HOXB3: variants seen among roughly 807,000 people sequenced by gnomAD.
HOXB3 encodes the protein homeobox B3.
In HOXB3, 17 loss-of-function variants were observed where a neutral mutation model predicts 29.2. That is an observed-to-expected ratio of 0.58 (90% CI 0.40 to 0.87). The LOEUF is 0.87. Among genes scored for constraint, HOXB3 ranks in the 40% least tolerant of loss-of-function variants. The probability of loss-of-function intolerance (pLI) is 0.00; values close to 1 mark genes in which losing one functional copy is unlikely to be tolerated. For missense variants in HOXB3, 637 were observed against 616.3 expected (o/e 1.03, Z -0.35); for synonymous variants, 317 against 285.9 (o/e 1.11, Z -1.10).
At position 48,554,125 on chromosome 17, in the gene HOXB3, C is replaced by T. The variant is rs991460028; in HGVS notation, c.-159+1406G>A. The stretch of plus-strand genomic sequence containing the variant: ...CAGGGAGAACCAGAGTTCAATTGAC[C>T]AGGCTGACCCAATCCCTTTATTATT... On this transcript the variant is annotated intron_variant, in intron 3 of 4. Transcript: ENST00000498678. The surrounding 1 kb of genome is among the most constrained non-coding windows in gnomAD (Gnocchi z 4.1). Among the ~76,000 whole-genome samples the T allele has an allele frequency of 6.6e-6, 1 of 152,172 alleles. No individual in the cohort carries two copies. Among genetic ancestry groups the T allele is most frequent in the Admixed American group, 6.5e-5 (1 of 15,280 alleles).
chr17:48,557,105 G>C (rs1000660499), intron 2 of HOXB3, among the ~76,000 whole-genome samples: 1 of 152,150 alleles, frequency 6.6e-6, no homozygotes, highest in Non-Finnish European at 1.5e-5. Context: ...TAGTCATTCC[G>C]GGAGGAAGGA....
At chr17:48,567,318 C>T (rs753628063) in intron 2 of HOXB3, among the ~76,000 whole-genome samples, 9 of 152,216 alleles carry the variant, frequency 5.9e-5, no homozygotes, top group Non-Finnish European at 7.3e-5. Flanking sequence ...CTGGGCGCGG[C>T]GTTGCTCTAA....
At chr17:48,577,374 C>T (rs768666654) in intron 1 of HOXB3, among the ~76,000 whole-genome samples, 1 of 152,192 alleles carries the variant, frequency 6.6e-6, no homozygotes, top group Non-Finnish European at 1.5e-5. Flanking sequence ...CTAAACCTTT[C>T]CTCTGTTTAG....
At chr17:48,555,704 T>TG (rs1567949783) in intron 2 of HOXB3, 86 bp from the exon 3 acceptor site, 1 of 564,570 alleles carries the variant, frequency 1.8e-6, no homozygotes, top group African/African-American at 2.4e-5. Flanking sequence ...CCACCCCGGC[T>TG]GGGGAGCCCG....
In HOXB3 at chr17:48,550,518, T is replaced by C. The variant is rs1490251788; in HGVS notation, c.1112A>G (p.Tyr371Cys). The change falls in exon 5 of 5, where the codon TAT becomes TGT. Residue 371 changes from tyrosine to cysteine, a missense_variant. By Grantham distance (194) the Tyr-to-Cys change is radical (BLOSUM62 -2). Transcript: ENST00000498678. ...PLPPPAGPSL[Y>C]GLNHLSHHPS... is the part of the protein sequence containing the mutation. ...GTGATGGGAAAGGTGGTTGAGGCCATAGAGGGAGGGGCCGGCAGGGGGCGG... is the reference window on the plus strand; with the variant it reads ...GTGATGGGAAAGGTGGTTGAGGCCACAGAGGGAGGGGCCGGCAGGGGGCGG... The C allele has an allele frequency of 6.3e-7, 1 of 1,578,986 alleles. No homozygotes were observed. The highest frequency in any genetic ancestry group is 1.4e-5 in the African/African-American group (1 of 73,174).
intron 2 of HOXB3, among the ~76,000 whole-genome samples, chr17:48,569,623 C>T (rs2069517185): frequency 6.6e-6 from 1 of 152,104 alleles, no homozygotes; most frequent in Non-Finnish European, 1.5e-5. Flanking sequence ...TCCCCAACTC[C>T]TGGGGATATT....
intron 1 of HOXB3, 109 bp from the exon 2 acceptor site, chr17:48,574,123 G>T (rs2069678291): frequency 1.9e-5 from 9 of 486,248 alleles, no homozygotes; most frequent in Non-Finnish European, 3.2e-5. Context: ...ACACAGAATG[G>T]CTGTGAACTT....
At chr17:48,572,264 G>T (rs970039246) in intron 2 of HOXB3, among the ~76,000 whole-genome samples, 1 of 152,090 alleles carries the variant, frequency 6.6e-6, no homozygotes, top group Admixed American at 6.6e-5. Flanking sequence ...GCACTCCAAG[G>T]GCTTTTTTCA....
intron 1 of HOXB3, chr17:48,576,593 A>C: frequency 2.7e-6 from 2 of 743,464 alleles, no homozygotes; most frequent in Non-Finnish European, 4.2e-6. Context: ...TCGTATATAA[A>C]GTGTGGGGGA....
rs1295119350 is a variant in HOXB3 at position 48,555,809 on chromosome 17, G to GA, written c.-246-192dup. Among the ~76,000 whole-genome samples the GA allele has an allele frequency of 4.6e-5, 7 of 151,810 alleles. No individual in the cohort carries two copies. The East Asian group carries it at 7.7e-4, about 17-fold the overall frequency. The stretch of plus-strand genomic sequence containing the variant: ...CAGGAGGGAGGGGGTGGGGGAGCGG[G>GA]AAAAAAAATAGAAGACCGAAAGGTG... On this transcript the variant is annotated intron_variant, in intron 2 of 4. Coordinates refer to ENST00000498678, the MANE Select transcript of HOXB3 (RefSeq NM_001384749.1).
rs1480275731 is a variant in HOXB3 at position 48,550,337 on chromosome 17, C to T, written c.1293G>A (p.Leu431=). The T allele has an allele frequency of 3.1e-6, 5 of 1,613,858 alleles. No homozygotes were observed. The highest frequency in any genetic ancestry group is 1.6e-4 in the Middle Eastern group (1 of 6,070). The change falls in exon 5 of 5, where the codon CTG becomes CTA. Residue 431 remains leucine (L), a synonymous_variant. Transcript: ENST00000498678. ...AATCCTCGTTCGCCCTTTCCCATCA[C>T]AGGTGTGTTAATTTGGGCGCTTCTT... ...RIQEAPKLTH[L]
chr17:48,560,878 T>A (rs2069169104), intron 2 of HOXB3, among the ~76,000 whole-genome samples: 1 of 152,020 alleles, frequency 6.6e-6, no homozygotes, highest in Non-Finnish European at 1.5e-5. Context: ...GAATCTAAAC[T>A]CTGAAACCAC....
At chr17:48,584,865 C>G (rs983979540) in intron 1 of HOXB3, among the ~76,000 whole-genome samples, 1 of 152,116 alleles carries the variant, frequency 6.6e-6, no homozygotes, top group Non-Finnish European at 1.5e-5. Flanking sequence ...TTCCTTACCT[C>G]CAGCATCCCA....
chr17:48,574,335 C>T (rs2069689845), intron 1 of HOXB3: 1 of 159,610 alleles, frequency 6.3e-6, no homozygotes, highest in African/African-American at 2.4e-5. Context: ...CCCTCTCATC[C>T]TCCAGGTCCA....
intron 4 of HOXB3, 144 bp downstream of exon 4, chr17:48,551,883 G>A (rs769819581): frequency 2.7e-5 from 20 of 742,434 alleles, no homozygotes; most frequent in Non-Finnish European, 4.1e-5. Flanking sequence ...TCATTAGGGG[G>A]TAGGGGTATC....
chr17:48,581,288 C>T (rs1379694141), intron 1 of HOXB3: 2 of 152,224 alleles, frequency 1.3e-5, no homozygotes, highest in African/African-American at 2.4e-5. Context: ...CTAACATCAA[C>T]ATTCTCCCAG....
Position 48,552,090 on chromosome 17 carries a change from T to G in HOXB3, c.385A>C (p.Ile129Leu). The change falls in exon 4 of 5, where the codon ATA becomes CTA. Residue 129 changes from isoleucine to leucine, a missense_variant. Ile to Leu is a conservative substitution (Grantham distance 5). Transcript: ENST00000498678. The part of the protein sequence containing the change: ...PGTNSTLTKQ[I>L]FPWMKESRQT... ...CTCGACTCTTTCATCCAGGGGAATA[T>G]CTGTTTGGTGAGGGTGGAGTTGGTG... The G allele has an allele frequency of 1.2e-6, 2 of 1,611,114 alleles. No homozygotes were observed. Among genetic ancestry groups the G allele is most frequent in the Non-Finnish European group, 1.7e-6 (2 of 1,177,934 alleles).
rs929866500 is a variant in HOXB3 at position 48,550,218 on chromosome 17, A to G, written c.*116T>C. 1.4e-6 allele frequency: 2 copies of G among 1,420,334 alleles called. No individual in the cohort carries two copies. The highest frequency in any genetic ancestry group is 2.8e-5 in the African/African-American group (2 of 70,224). The allele number at this position is 1,420,334 out of a possible 1,614,324, so 88.0% of individuals were successfully genotyped here. On this transcript the variant is annotated 3_prime_UTR_variant, in exon 5 of 5. Coordinates refer to ENST00000498678, the MANE Select transcript of HOXB3 (RefSeq NM_001384749.1). ...AAGGAGCTCCAGGCCGGTTCTGACC[A>G]GGAAGCCTGGGTACCACCTTCTCTG...
chr17:48,559,101 C>T lies in HOXB3; in HGVS notation c.-246-3483G>A, dbSNP rs372922206. Among the ~76,000 whole-genome samples, 11 of 152,010 alleles carry T rather than the reference C, an allele frequency of 7.2e-5. No individual in the cohort carries two copies. In the South Asian group the frequency reaches 1.2e-3, roughly 17 times the overall value. The stretch of plus-strand genomic sequence containing the variant: ...ACAGACATCTTTTCCTCTTCCATTC[C>T]GTTTCTTCAGAGCCAGAGCACTCGC... On this transcript the variant is annotated intron_variant, in intron 2 of 4. Transcript: ENST00000498678.
Sources: gnomAD v4.1 joint callset for allele counts (sites outside exome capture counted in the v4.1 genomes callset) on GRCh38, gnomAD v4.1.1 for gene constraint, Gnocchi (gnomAD v3.1) non-coding constraint, MANE v1.5 for transcripts, NCBI Gene and HGNC (gene_info 2026-07-23, HGNC 2026-07-21) for gene names.